PLA2G4B: variants seen among roughly 807,000 people sequenced by gnomAD.
PLA2G4B encodes cytosolic phospholipase A2 beta.
PLA2G4B carries 122 observed loss-of-function variants against 95.8 expected under a neutral mutation model. The ratio of observed to expected loss-of-function variants is 1.27; its 90% CI spans 1.10 to 1.48. The LOEUF is 1.48. PLA2G4B is among the 40% of genes most tolerant of loss of function. PLA2G4B has a pLI of 0.00. For missense variants in PLA2G4B, 1,158 were observed against 996.2 expected (o/e 1.16, Z -2.19); for synonymous variants, 518 against 421.5 (o/e 1.23, Z -2.80).
chr15:41,846,877 C>A, intron 18 of PLA2G4B, 42 bp downstream of exon 18: 1 of 1,570,278 alleles, frequency 6.4e-7, no homozygotes. Context: ...CGGTGGGTGG[C>A]CCCTGTCCCC....
chr15:41,841,063 G>GCGCCTGGAAGTTGAATTT lies in PLA2G4B; in HGVS notation c.367_384dup (p.Glu123_Leu128dup), dbSNP rs1345527631. On this transcript the variant is annotated inframe_insertion, in exon 5 of 20. Coordinates refer to ENST00000458483, the MANE Select transcript of PLA2G4B (RefSeq NM_001114633.2). ...TCTGGCTCTCTTCCCAGGGTGAGGG[G>GCGCCTGGAAGTTGAATTT]CGCCTGGAAGTTGAATTTCGCCTGC... The GCGCCTGGAAGTTGAATTT allele has an allele frequency of 5.7e-6, 9 of 1,581,286 alleles. No individual in the cohort carries two copies. The highest frequency in any genetic ancestry group is 6.9e-6 in the Non-Finnish European group (8 of 1,160,820).
intron 10 of PLA2G4B, chr15:41,842,852 C>A: frequency 4.2e-6 from 2 of 471,848 alleles, no homozygotes; most frequent in Non-Finnish European, 7.3e-6. Flanking sequence ...GGCTGGAAAA[C>A]GCAGGGAGGC....
intron 3 of PLA2G4B, 33 bp from the exon 4 acceptor site, chr15:41,840,741 C>G (rs199637682): frequency 4.5e-5 from 73 of 1,610,118 alleles, no homozygotes; most frequent in Non-Finnish European, 5.5e-5. Context: ...TGTCCCCTCC[C>G]TCCTGCAGCC....
At chr15:41,845,598 G>T (rs1291498009) in intron 14 of PLA2G4B, 40 bp from the exon 15 acceptor site, 4 of 1,611,728 alleles carry the variant, frequency 2.5e-6, no homozygotes, top group Non-Finnish European at 3.4e-6. Context: ...GGGTGCCTAA[G>T]GGCTCTGCAC....
Position 41,847,478 on chromosome 15 carries a change from C to T in PLA2G4B, c.2089C>T (p.His697Tyr), listed in dbSNP as rs1163577744. 5.0e-6 allele frequency: 8 copies of T among 1,611,980 alleles called. No individual in the cohort carries two copies. The highest frequency in any genetic ancestry group is 2.2e-5 in the South Asian group (2 of 90,986). ...PTCPGAPAVL[H>Y]FPLVSDSFRE... ...CTGCCCCGGAGCCCCTGCGGTGCTG[C>T]ACTTTCCTCTGGTCAGCGACTCCTT... The change falls in exon 19 of 20, where the codon CAC (histidine) becomes TAC (tyrosine). Residue 697 changes from histidine (H) to tyrosine (Y), a missense_variant. Transcript: ENST00000458483.
intron 14 of PLA2G4B, 110 bp from the exon 15 acceptor site, chr15:41,845,528 G>T: frequency 1.3e-6 from 2 of 1,528,402 alleles, no homozygotes; most frequent in Non-Finnish European, 8.7e-7. Context: ...AGGCCACAAG[G>T]CCTGGGCCTC....
chr15:41,841,693 G>A, intron 7 of PLA2G4B, 122 bp downstream of exon 7: 2 of 1,563,136 alleles, frequency 1.3e-6, no homozygotes, highest in East Asian at 2.3e-5. Flanking sequence ...GGACTGTGGT[G>A]GGGGATCCAT....
In PLA2G4B at chr15:41,845,276, C is replaced by T. The variant is rs200628998; in HGVS notation, c.1313C>T (p.Ala438Val). 52 of 1,614,034 alleles carry T rather than the reference C, an allele frequency of 3.2e-5. No homozygotes were observed. The highest frequency in any genetic ancestry group is 3.3e-5 in the Admixed American group (2 of 60,006). Reference sequence around the variant, plus strand: ...CAGAACCCTCTGCCCATCTACTGTGCCCTCAACACCAAAGGGCAGAGCCTG... The same window carrying T: ...CAGAACCCTCTGCCCATCTACTGTGTCCTCAACACCAAAGGGCAGAGCCTG... Reference protein sequence around the residue: ...HGQNPLPIYCALNTKGQSLTT... With the variant: ...HGQNPLPIYCVLNTKGQSLTT... The change falls in exon 14 of 20, where the codon GCC becomes GTC. Residue 438 changes from alanine to valine, a missense_variant. Physicochemically the swap from Ala to Val is moderately conservative, Grantham distance 64 (BLOSUM62 0). Coordinates refer to ENST00000458483, the MANE Select transcript of PLA2G4B (RefSeq NM_001114633.2).
rs548644505 is a variant in PLA2G4B, at chr15:41,848,000, C to CCCTT, written c.*141_*144dup. On this transcript the variant is annotated 3_prime_UTR_variant, in exon 20 of 20. Coordinates refer to ENST00000458483, the MANE Select transcript of PLA2G4B (RefSeq NM_001114633.2). ...GGGTCCAGGCTGAGGGCTGGGAGCT[C>CCCTT]CCTTGCGCCTCAGCAGTTTGCAGTG... The CCCTT allele has an allele frequency of 1.0e-5, 12 of 1,190,700 alleles. No individual in the cohort carries two copies. Among genetic ancestry groups the CCCTT allele is most frequent in the Non-Finnish European group, 1.4e-5 (12 of 868,972 alleles). The allele number at this position is 1,190,700 out of a possible 1,614,324, so 73.8% of individuals were successfully genotyped here.
intron 6 of PLA2G4B, 67 bp downstream of exon 6, chr15:41,841,340 G>C: frequency 2.5e-6 from 4 of 1,611,324 alleles, no homozygotes; most frequent in Non-Finnish European, 3.4e-6. Context: ...AGCGACTTGA[G>C]GTACAGGCCC....
intron 8 of PLA2G4B, 47 bp downstream of exon 8, chr15:41,841,996 C>A: frequency 6.3e-7 from 1 of 1,588,158 alleles, no homozygotes; most frequent in East Asian, 2.3e-5. Flanking sequence ...AACTTCCTCC[C>A]TCCCTCTGCA....
In PLA2G4B at chr15:41,840,523, G is replaced by A. The variant is rs547246053; in HGVS notation, c.83-1G>A. On this transcript the variant is annotated splice_acceptor_variant, in intron 2 of 19. Transcript: ENST00000458483. LOFTEE classifies it high-confidence loss of function. The stretch of plus-strand genomic sequence containing the variant: ...CGCTGGGCACTTGTTCCTTCCCGCA[G>A]TGACCCCCTCTGACTGCTACGTGAC... 6 of 1,613,760 alleles carry A rather than the reference G, an allele frequency of 3.7e-6. No homozygotes were observed. In the African/African-American group the frequency reaches 6.7e-5, roughly 18 times the overall value.
In PLA2G4B at chr15:41,844,935, G is replaced by A. The variant is rs1192367877; in HGVS notation, c.1104G>A (p.Lys368=). Residue 368 remains lysine (K), a synonymous_variant, in exon 13 of 20, where the codon AAG becomes AAA. Transcript: ENST00000458483. ...AGTTGCTGAAGACCCAGGTGACCAAGAACAAGCTGGGTGTGCTGGCCCCCA... is the reference window on the plus strand; with the variant it reads ...AGTTGCTGAAGACCCAGGTGACCAAAAACAAGCTGGGTGTGCTGGCCCCCA... ...PTELLKTQVT[K]NKLGVLAPSQ... The A allele has an allele frequency of 1.2e-6, 2 of 1,612,422 alleles. No homozygotes were observed. Among genetic ancestry groups the A allele is most frequent in the Admixed American group, 3.3e-5 (2 of 59,808 alleles).
Position 41,844,504 on chromosome 15 carries a change from G to A in PLA2G4B, c.913G>A (p.Gly305Arg). The A allele has an allele frequency of 9.9e-6, 16 of 1,614,182 alleles. No homozygotes were observed. Among genetic ancestry groups the A allele is most frequent in the Non-Finnish European group, 1.3e-5 (15 of 1,180,028 alleles). The stretch of plus-strand genomic sequence containing the variant: ...GGTAGCTATTATGGCCACTGGTGGT[G>A]GGATCCGGGCAATGACTTCCCTGTA... ...PVVAIMATGGGIRAMTSLYGQ... is the reference protein window; with the variant it reads ...PVVAIMATGGRIRAMTSLYGQ... The change falls in exon 12 of 20, where the codon GGG (glycine) becomes AGG (arginine). Residue 305 changes from glycine to arginine, a missense_variant. Gly to Arg is a moderately radical substitution (Grantham distance 125). Coordinates refer to ENST00000458483, the MANE Select transcript of PLA2G4B (RefSeq NM_001114633.2).
At chr15:41,843,653 C>T in intron 10 of PLA2G4B, 23 bp from the exon 11 acceptor site, 4 of 1,610,354 alleles carry the variant, frequency 2.5e-6, no homozygotes, top group Non-Finnish European at 3.4e-6. Flanking sequence ...AGCTGTCTCA[C>T]AGTCTCTTCC....
chr15:41,847,264 A>ATCTT (rs1259137665), intron 18 of PLA2G4B, 73 bp from the exon 19 acceptor site: 8 of 1,512,570 alleles, frequency 5.3e-6, no homozygotes, highest in Non-Finnish European at 7.1e-6. Context: ...GGTCCTGTGC[A>ATCTT]TCTTACGTCA....
In PLA2G4B at chr15:41,839,894, T is replaced by G. The variant is rs945370658; in HGVS notation, c.10-264T>G. On this transcript the variant is annotated intron_variant, in intron 1 of 19. Transcript: ENST00000458483. ...GGAGTGGGCCATCGTAAATAGTATC[T>G]GTGCATAAGGTGGTTGTGCGATAAA... 1.3e-5 allele frequency: 6 copies of G among 446,368 alleles called. No individual in the cohort carries two copies. The Admixed American group carries it at 1.6e-4, about 12-fold the overall frequency. The allele number at this position is 446,368 out of a possible 1,614,324, so 27.7% of individuals were successfully genotyped here.
At chr15:41,839,880 T>G in intron 1 of PLA2G4B, 2 of 395,414 alleles carry the variant, frequency 5.1e-6, no homozygotes, top group Non-Finnish European at 4.6e-6. Context: ...GAGTGGGCCA[T>G]CGTAAATAGT....
At position 41,841,969 on chromosome 15, in the gene PLA2G4B, C is replaced by T. The variant is rs371354511; in HGVS notation, c.621+20C>T. 51 of 1,603,016 alleles carry T rather than the reference C, an allele frequency of 3.2e-5. No homozygotes were observed. The African/African-American group carries it at 3.3e-4, about 11-fold the overall frequency. On this transcript the variant is annotated intron_variant, in intron 8 of 19. Transcript: ENST00000458483. Reference sequence around the variant, plus strand: ...CTGCAGGTAGTGTGCCTCGCTCCCTCGAGGTGGGGCCCCCAGAACTTCCTC... The same window carrying T: ...CTGCAGGTAGTGTGCCTCGCTCCCTTGAGGTGGGGCCCCCAGAACTTCCTC...
Sources: allele counts gnomAD v4.1 joint callset, GRCh38; gene constraint gnomAD v4.1.1; transcripts MANE v1.5; gene names NCBI Gene and HGNC (gene_info 2026-07-23, HGNC 2026-07-21).